Variants in MTR observed in about 807,000 individuals in gnomAD.
MTR encodes 5-methyltetrahydrofolate-homocysteine methyltransferase.
A neutral mutation model predicts 154.8 loss-of-function variants in MTR; 84 were observed. That is an observed-to-expected ratio of 0.54 (90% confidence interval 0.45 to 0.65). MTR has a LOEUF of 0.65. MTR is among the 30% of genes least tolerant of loss of function. MTR has a pLI of 0.00. For missense variants in MTR, 1,275 were observed against 1,570.2 expected (o/e 0.81, Z 3.18); for synonymous variants, 554 against 553.9 (o/e 1.00, Z 0.00).
In MTR at chr1:236,806,164, A is replaced by G. The variant is rs1264676428; in HGVS notation, c.270A>G (p.Ala90=). The G allele has an allele frequency of 6.2e-7, 1 of 1,614,110 alleles. No individual in the cohort carries two copies. Among genetic ancestry groups the G allele is most frequent in the Non-Finnish European group, 8.5e-7 (1 of 1,179,936 alleles). ...TGCAGGAATACTTGCTGGCTGGGGC[A>G]GATATCATTGAAACAAATACTTTTA... ...QIHKEYLLAG[A]DIIETNTFSS... The change falls in exon 3 of 33, where the codon GCA becomes GCG. Residue 90 remains alanine (A), a synonymous_variant. Coordinates refer to ENST00000366577, the MANE Select transcript of MTR (RefSeq NM_000254.3).
rs1666813256 is a variant in MTR at position 236,899,041 on chromosome 1, G to A, written c.*1397G>A. The stretch of plus-strand genomic sequence containing the variant: ...CTGGTTTGATTCGAAGGATGAAGAC[G>A]AAGAAGCAAGGGAGGAACAAATGAA... On this transcript the variant is annotated 3_prime_UTR_variant, in exon 33 of 33. Coordinates refer to ENST00000366577, the MANE Select transcript of MTR (RefSeq NM_000254.3). The A allele has an allele frequency of 2.6e-5, 4 of 152,116 alleles. No homozygotes were observed. The highest frequency in any genetic ancestry group is 7.2e-5 in the African/African-American group (3 of 41,396). 9.4% of individuals were successfully genotyped at this position (152,116 alleles called of 1,614,324 possible).
In MTR at chr1:236,899,005, A is replaced by G. The variant is rs1050993; in HGVS notation, c.*1361A>G. ...TGGTGGCAATAGTCAGGAGAAGGTA[A>G]CATTGGAGTCCTGGTTTGATTCGAA... On this transcript the variant is annotated 3_prime_UTR_variant, in exon 33 of 33. Transcript: ENST00000366577. 109,460 of 152,132 alleles carry G rather than the reference A, an allele frequency of 0.72. 40,669 individuals are homozygous for G. The highest frequency in any genetic ancestry group is 0.91 in the African/African-American group (37,839 of 41,542). The allele number at this position is 152,132 out of a possible 1,614,324, so 9.4% of individuals were successfully genotyped here.
chr1:236,800,178 G>A (rs1436409414), intron 1 of MTR: 2 of 985,288 alleles, frequency 2.0e-6, no homozygotes, highest in African/African-American at 3.5e-5. Flanking sequence ...CTCGCTCAGT[G>A]GAGGAGATAG....
intron 19 of MTR, 145 bp downstream of exon 19, chr1:236,860,067 CT>C: frequency 6.0e-6 from 2 of 335,740 alleles, no homozygotes; most frequent in Non-Finnish European, 5.5e-6. Flanking sequence ...TGTCCCCCAG[CT>C]GCCCCCCCCC....
intron 29 of MTR, among the ~76,000 whole-genome samples, chr1:236,893,732 G>T (rs1229727000): frequency 6.6e-6 from 1 of 152,134 alleles, no homozygotes; most frequent in Non-Finnish European, 1.5e-5. Flanking sequence ...AAATGGGGGA[G>T]GGTAGGCCCC....
chr1:236,853,487 A>C (rs989563412), intron 18 of MTR, among the ~76,000 whole-genome samples: 2 of 152,182 alleles, frequency 1.3e-5, no homozygotes, highest in African/African-American at 4.8e-5. Flanking sequence ...GGGAGTTTTT[A>C]TTTCTTTTTG....
Position 236,835,534 on chromosome 1 carries a change from A to C in MTR, c.1189-13A>C, listed in dbSNP as rs1430690174. 6.2e-7 allele frequency: 1 copy of C among 1,612,280 alleles called. No homozygotes were observed. The highest frequency in any genetic ancestry group is 1.1e-5 in the South Asian group (1 of 90,908). On this transcript the variant is annotated splice_polypyrimidine_tract_variant and intron_variant, in intron 13 of 32. Transcript: ENST00000366577. The stretch of plus-strand genomic sequence containing the variant: ...GTCTCCTAATGCTGCTTCCTCTCTC[A>C]TTCTTCCTTCAGGAAGCCTTGTGTG...
chr1:236,820,481 G>C, intron 8 of MTR: 1 of 1,374,066 alleles, frequency 7.3e-7, no homozygotes, highest in South Asian at 1.2e-5. Flanking sequence ...CCACTGCTCA[G>C]GCCACTGAAT....
chr1:236,885,879 C>T (rs980793546), intron 26 of MTR, among the ~76,000 whole-genome samples: 4 of 152,124 alleles, frequency 2.6e-5, no homozygotes, highest in East Asian at 1.9e-4. Flanking sequence ...TAGGCCAAGA[C>T]GCAGTGGTTG....
At chr1:236,810,343 C>G (rs1558276985) in intron 4 of MTR, among the ~76,000 whole-genome samples, 160 bp from the exon 5 acceptor site, 1 of 152,066 alleles carries the variant, frequency 6.6e-6, no homozygotes, top group Non-Finnish European at 1.5e-5. Flanking sequence ...TATTGTCAAA[C>G]TGAGAAAAAA....
At chr1:236,827,827 G>T (rs1662380599) in intron 11 of MTR, among the ~76,000 whole-genome samples, 1 of 152,080 alleles carries the variant, frequency 6.6e-6, no homozygotes, top group African/African-American at 2.4e-5. Context: ...GTTTATATTT[G>T]TTTTTTCCCT....
chr1:236,852,832 T>C (rs1663987046), intron 17 of MTR, 116 bp from the exon 18 acceptor site: 1 of 1,278,586 alleles, frequency 7.8e-7, no homozygotes, highest in Non-Finnish European at 1.1e-6. Context: ...GTTGAGTAGC[T>C]GTGACAGAGG....
rs905167039 is a variant in MTR at position 236,810,692 on chromosome 1, A to T, written c.502+97A>T. 8.0e-6 allele frequency: 8 copies of T among 999,650 alleles called. No homozygotes were observed. The African/African-American group carries it at 1.3e-4, about 16-fold the overall frequency. The allele number at this position is 999,650 out of a possible 1,614,324, so 61.9% of individuals were successfully genotyped here. ...TAAAATGGAATCAATAACAGGATCT[A>T]CCTTAGAGTTACTGTGATTTAATCC... On this transcript the variant is annotated intron_variant, in intron 5 of 32. Coordinates refer to ENST00000366577, the MANE Select transcript of MTR (RefSeq NM_000254.3).
Position 236,895,401 on chromosome 1 carries a change from G to T in MTR, c.3449G>T (p.Trp1150Leu). ...CATGAAAGAGTTCGCCGAGAACTGT[G>T]GGCCTACTGTGGCAGTGAGCAGCTG... ...ELHERVRRELWAYCGSEQLDV... is the reference protein window; with the variant it reads ...ELHERVRRELLAYCGSEQLDV... Residue 1150 changes from tryptophan to leucine, a missense_variant, in exon 31 of 33, where the codon TGG becomes TTG. By Grantham distance (61) the Trp-to-Leu change is moderately conservative (BLOSUM62 -2). Coordinates refer to ENST00000366577, the MANE Select transcript of MTR (RefSeq NM_000254.3). The T allele has an allele frequency of 6.2e-7, 1 of 1,605,390 alleles. No individual in the cohort carries two copies. The highest frequency in any genetic ancestry group is 8.5e-7 in the Non-Finnish European group (1 of 1,175,700).
intron 2 of MTR, 123 bp from the exon 3 acceptor site, chr1:236,806,021 C>A: frequency 1.2e-6 from 1 of 805,032 alleles, no homozygotes; most frequent in Non-Finnish European, 2.1e-6. Flanking sequence ...TAATGCAGTG[C>A]CTTACTCTTA....
At chr1:236,797,059 T>G (rs1409746306) in intron 1 of MTR, among the ~76,000 whole-genome samples, 1 of 152,094 alleles carries the variant, frequency 6.6e-6, no homozygotes, top group African/African-American at 2.4e-5. Flanking sequence ...GTTGAATGTT[T>G]GAATCTTGCC....
intron 2 of MTR, among the ~76,000 whole-genome samples, chr1:236,805,312 C>T (rs1316397535): frequency 1.3e-5 from 2 of 151,384 alleles, no homozygotes; most frequent in African/African-American, 4.9e-5. Context: ...GATGCTTGTT[C>T]AGAGAGACTA....
rs1660802642 is a variant in MTR at position 236,803,455 on chromosome 1, A to C, written c.62A>C (p.Glu21Ala). Residue 21 changes from glutamate (E) to alanine (A), a missense_variant, in exon 2 of 33, where the codon GAG becomes GCG. By Grantham distance (107) the Glu-to-Ala change is moderately radical. Transcript: ENST00000366577. ...GGTCTGAAGAAAACCCTGCGGGATG[A>C]GATCAATGCCATTCTGCAGAAGAGG... ...PEGLKKTLRD[E>A]INAILQKRIM... The C allele has an allele frequency of 1.2e-6, 2 of 1,614,172 alleles. No homozygotes were observed. The highest frequency in any genetic ancestry group is 2.2e-5 in the South Asian group (2 of 91,080).
intron 15 of MTR, among the ~76,000 whole-genome samples, chr1:236,842,984 G>T (rs932789631): frequency 6.6e-6 from 1 of 151,348 alleles, no homozygotes; most frequent in Non-Finnish European, 1.5e-5. Flanking sequence ...TACTGGGGAG[G>T]CTGAGGCATG....
Sources: gnomAD v4.1 joint callset for allele counts (sites outside exome capture counted in the v4.1 genomes callset) on GRCh38, gnomAD v4.1.1 for gene constraint, MANE v1.5 for transcripts, NCBI Gene and HGNC (gene_info 2026-07-23, HGNC 2026-07-21) for gene names.